Variants in PCDHB14 observed in about 807,000 individuals in gnomAD.
The protein encoded by PCDHB14 is protocadherin beta-14.
For synonymous variants in PCDHB14, 511 were observed against 441.5 expected, an observed-to-expected ratio of 1.16 and a Z score of -1.97; for missense variants, 1,129 against 1,000.5, an observed-to-expected ratio of 1.13 and a Z score of -1.73.
At position 141,224,319 on chromosome 5, in the gene PCDHB14, G is replaced by T; in HGVS notation, c.814G>T (p.Gly272Ter). The T allele has an allele frequency of 6.2e-7, 1 of 1,613,888 alleles. No individual in the cohort carries two copies. Among genetic ancestry groups the T allele is most frequent in the Non-Finnish European group, 8.5e-7 (1 of 1,179,942 alleles). The change falls in exon 1 of 1, where the codon GGA (glycine) becomes TGA (stop). Residue 272 changes from glycine to a stop codon, truncating the protein, a stop_gained. Transcript: ENST00000239449. LOFTEE classifies it low-confidence loss of function (END_TRUNC). ...ATISAKDLDA[G>*]NYGKISYTFF... Reference sequence around the variant, plus strand: ...CATCTCAGCTAAGGATCTGGATGCAGGAAACTATGGAAAAATATCTTACAC... The same window carrying T: ...CATCTCAGCTAAGGATCTGGATGCATGAAACTATGGAAAAATATCTTACAC...
Position 141,225,719 on chromosome 5 carries a change from C to G in PCDHB14, c.2214C>G (p.Asp738Glu), listed in dbSNP as rs775487652. 10 of 1,614,066 alleles carry G rather than the reference C, an allele frequency of 6.2e-6. No individual in the cohort carries two copies. The highest frequency in any genetic ancestry group is 6.8e-6 in the Non-Finnish European group (8 of 1,180,046). Reference sequence around the variant, plus strand: ...GTCCCTTTCCAGGGCATCTGGTGGACGTGAGCGGCACCGGGACCCTGTCCC... The same window carrying G: ...GTCCCTTTCCAGGGCATCTGGTGGAGGTGAGCGGCACCGGGACCCTGTCCC... ...PEGPFPGHLV[D>E]VSGTGTLSQS... Residue 738 changes from aspartate (D) to glutamate (E), a missense_variant, in exon 1 of 1, where the codon GAC (aspartate) becomes GAG (glutamate). Coordinates refer to ENST00000239449, the MANE Select transcript of PCDHB14 (RefSeq NM_018934.4).
Position 141,224,941 on chromosome 5 carries a change from A to T in PCDHB14, c.1436A>T (p.Asp479Val), listed in dbSNP as rs782154899. The T allele has an allele frequency of 1.2e-6, 2 of 1,612,546 alleles. No homozygotes were observed. Among genetic ancestry groups the T allele is most frequent in the Non-Finnish European group, 1.7e-6 (2 of 1,180,018 alleles). Residue 479 changes from aspartate to valine, a missense_variant, in exon 1 of 1, where the codon GAC becomes GTC. Asp to Val is a radical substitution (Grantham distance 152). Coordinates refer to ENST00000239449, the MANE Select transcript of PCDHB14 (RefSeq NM_018934.4). ...GGCAGCGTCAGCGCCACAGACAGAG[A>T]CTCAGGCACCAACGCCCAGGTCAAC... ...HIGSVSATDR[D>V]SGTNAQVNYS...
chr5:141,224,584 C>T lies in PCDHB14; in HGVS notation c.1079C>T (p.Ala360Val). ...SSITKRIPEN[A>V]SETLVALFSI... Reference sequence around the variant, plus strand: ...ATTACAAAGAGAATTCCAGAGAATGCCTCAGAGACCCTAGTAGCTCTTTTT... The same window carrying T: ...ATTACAAAGAGAATTCCAGAGAATGTCTCAGAGACCCTAGTAGCTCTTTTT... Residue 360 changes from alanine (A) to valine (V), a missense_variant, in exon 1 of 1, where the codon GCC becomes GTC. By Grantham distance (64) the Ala-to-Val change is moderately conservative. Coordinates refer to ENST00000239449, the MANE Select transcript of PCDHB14 (RefSeq NM_018934.4). The T allele has an allele frequency of 1.2e-6, 2 of 1,613,300 alleles. No individual in the cohort carries two copies. The highest frequency in any genetic ancestry group is 1.7e-6 in the Non-Finnish European group (2 of 1,179,760).
At position 141,225,866 on chromosome 5, in the gene PCDHB14, G is replaced by A. The variant is rs200327348; in HGVS notation, c.2361G>A (p.Glu787=). ...CTGGTAGGAATATGGGGGAAATCGA[G>A]AACTTTCGAAATAGCTTTGGACTTA... ...HDTGRNMGEI[E]NFRNSFGLNI... The change falls in exon 1 of 1, where the codon GAG becomes GAA. Residue 787 remains glutamate, a synonymous_variant. Transcript: ENST00000239449. 7.4e-6 allele frequency: 12 copies of A among 1,613,860 alleles called. No homozygotes were observed. The East Asian group carries it at 2.7e-4, about 36-fold the overall frequency.
Position 141,225,554 on chromosome 5 carries a change from C to G in PCDHB14, c.2049C>G (p.Ala683=). 1.2e-6 allele frequency: 2 copies of G among 1,610,678 alleles called. No individual in the cohort carries two copies. Among genetic ancestry groups the G allele is most frequent in the African/African-American group, 1.3e-5 (1 of 75,008 alleles). Residue 683 remains alanine, a synonymous_variant, in exon 1 of 1, where the codon GCC becomes GCG. Coordinates refer to ENST00000239449, the MANE Select transcript of PCDHB14 (RefSeq NM_018934.4). ...LPEAAPAQAQ[A]DSLTVYLVVA... ...AGGCGGCCCCGGCCCAGGCCCAGGC[C>G]GACTCCCTCACCGTCTACCTGGTGG... is the stretch of plus-strand genomic sequence containing the variant.
chr5:141,225,985 G>T lies in PCDHB14; in HGVS notation c.*83G>T. On this transcript the variant is annotated 3_prime_UTR_variant, in exon 1 of 1. Coordinates refer to ENST00000239449, the MANE Select transcript of PCDHB14 (RefSeq NM_018934.4). Reference sequence around the variant, plus strand: ...TTGCATAATCTTTTGTGGATTCTTGGTTGTACTGTAGTTGCATGCATGATT... The same window carrying T: ...TTGCATAATCTTTTGTGGATTCTTGTTTGTACTGTAGTTGCATGCATGATT... The T allele has an allele frequency of 1.5e-6, 2 of 1,291,954 alleles. No individual in the cohort carries two copies. The highest frequency in any genetic ancestry group is 2.2e-6 in the Non-Finnish European group (2 of 925,046). 80.0% of individuals were successfully genotyped at this position (1,291,954 alleles called of 1,614,324 possible).
At position 141,225,021 on chromosome 5, in the gene PCDHB14, A is replaced by G. The variant is rs1554289308; in HGVS notation, c.1516A>G (p.Ile506Val). 1.9e-6 allele frequency: 3 copies of G among 1,612,610 alleles called. No individual in the cohort carries two copies. The highest frequency in any genetic ancestry group is 2.2e-5 in the South Asian group (2 of 91,016). The change falls in exon 1 of 1, where the codon ATC (isoleucine) becomes GTC (valine). Residue 506 changes from isoleucine (I) to valine (V), a missense_variant. Transcript: ENST00000239449. Reference sequence around the variant, plus strand: ...CCTGCCCCTCGCCTCCTTGGTCTCCATCAACGCGGACAATGGCCACCTGTT... The same window carrying G: ...CCTGCCCCTCGCCTCCTTGGTCTCCGTCAACGCGGACAATGGCCACCTGTT... ...RHLPLASLVS[I>V]NADNGHLFAL...
chr5:141,226,056 G>T lies in PCDHB14; in HGVS notation c.*154G>T. On this transcript the variant is annotated 3_prime_UTR_variant, in exon 1 of 1. Transcript: ENST00000239449. ...AGTTTCTTTAAAAATCTTTATTAGT[G>T]GCTATAATGACGTGGAAATGTAATC... 1.4e-6 allele frequency: 1 copy of T among 712,402 alleles called. No homozygotes were observed. The highest frequency in any genetic ancestry group is 2.3e-6 in the Non-Finnish European group (1 of 440,434). The allele number at this position is 712,402 out of a possible 1,614,324, so 44.1% of individuals were successfully genotyped here. A position where few individuals can be genotyped will look rare whatever the true frequency, so the allele number is the denominator to read the frequency against.
In PCDHB14 at chr5:141,223,968, G is replaced by C; in HGVS notation, c.463G>C (p.Glu155Gln). The C allele has an allele frequency of 6.2e-7, 1 of 1,613,894 alleles. No individual in the cohort carries two copies. The highest frequency in any genetic ancestry group is 8.5e-7 in the Non-Finnish European group (1 of 1,179,908). The change falls in exon 1 of 1, where the codon GAG becomes CAG. Residue 155 changes from glutamate to glutamine, a missense_variant. Coordinates refer to ENST00000239449, the MANE Select transcript of PCDHB14 (RefSeq NM_018934.4). ...GTTVGATFLM[E>Q]SAQDLDVGSN... ...CACTGTTGGAGCTACCTTTCTAATG[G>C]AGAGTGCTCAAGATTTGGATGTCGG...
Position 141,225,282 on chromosome 5 carries a change from G to A in PCDHB14, c.1777G>A (p.Asp593Asn). The change falls in exon 1 of 1, where the codon GAC becomes AAC. Residue 593 changes from aspartate (D) to asparagine (N), a missense_variant. Asp to Asn is a conservative substitution (Grantham distance 23). Transcript: ENST00000239449. ...CCTGGTGACCAAGGTGGTGGCGGTG[G>A]ACGGCGACTCGGGCCAGAACGCCTG... is the stretch of plus-strand genomic sequence containing the variant. ...GYLVTKVVAV[D>N]GDSGQNAWLS... 1.3e-6 allele frequency: 2 copies of A among 1,597,506 alleles called. No homozygotes were observed. The highest frequency in any genetic ancestry group is 1.7e-5 in the Admixed American group (1 of 59,398).
In PCDHB14 at chr5:141,226,431, A is replaced by C. The variant is rs1442279853; in HGVS notation, c.*529A>C. The C allele has an allele frequency of 6.5e-6, 1 of 152,700 alleles. No homozygotes were observed. The highest frequency in any genetic ancestry group is 2.4e-5 in the African/African-American group (1 of 41,458). 9.5% of individuals were successfully genotyped at this position (152,700 alleles called of 1,614,324 possible). A position where few individuals can be genotyped will look rare whatever the true frequency, so the allele number is the denominator to read the frequency against. ...AAATATTTACTTTATGATGAAACTT[A>C]AGTGGTCACATTGGAAATTATTAAT... On this transcript the variant is annotated 3_prime_UTR_variant, in exon 1 of 1. Coordinates refer to ENST00000239449, the MANE Select transcript of PCDHB14 (RefSeq NM_018934.4).
At position 141,224,558 on chromosome 5, in the gene PCDHB14, G is replaced by T. The variant is rs1488138840; in HGVS notation, c.1053G>T (p.Ser351=). 6.2e-7 allele frequency: 1 copy of T among 1,612,666 alleles called. No homozygotes were observed. Among genetic ancestry groups the T allele is most frequent in the Non-Finnish European group, 8.5e-7 (1 of 1,179,640 alleles). The change falls in exon 1 of 1, where the codon TCG becomes TCT. Residue 351 remains serine, a synonymous_variant. Coordinates refer to ENST00000239449, the MANE Select transcript of PCDHB14 (RefSeq NM_018934.4). ...NDNPPEVTIS[S]ITKRIPENAS... ...ACCCACCAGAAGTGACCATATCGTC[G>T]ATTACAAAGAGAATTCCAGAGAATG... is the stretch of plus-strand genomic sequence containing the variant.
chr5:141,224,768 C>T lies in PCDHB14; in HGVS notation c.1263C>T (p.Ile421=), dbSNP rs782617086. 6.2e-7 allele frequency: 1 copy of T among 1,614,056 alleles called. No individual in the cohort carries two copies. Among genetic ancestry groups the T allele is most frequent in the African/African-American group, 1.3e-5 (1 of 74,918 alleles). ...GCCAAGCCGAGTACAACATCACGAT[C>T]ACCGTCACAGACTTGGGGACACCCA... ...RESQAEYNIT[I]TVTDLGTPRL... The change falls in exon 1 of 1, where the codon ATC becomes ATT. Residue 421 remains isoleucine, a synonymous_variant. Transcript: ENST00000239449.
chr5:141,224,472 G>A lies in PCDHB14; in HGVS notation c.967G>A (p.Asp323Asn). Reference protein sequence around the residue: ...QSYTINIQATDGGGLSGKCTL... With the variant: ...QSYTINIQATNGGGLSGKCTL... ...CTACACTATAAATATTCAGGCAACA[G>A]ATGGTGGGGGTCTTTCAGGAAAATG... Residue 323 changes from aspartate to asparagine, a missense_variant, in exon 1 of 1, where the codon GAT becomes AAT. Asp to Asn is a conservative substitution (Grantham distance 23, BLOSUM62 1). Transcript: ENST00000239449. 6.2e-7 allele frequency: 1 copy of A among 1,613,112 alleles called. No individual in the cohort carries two copies.
rs1754790420 is a variant in PCDHB14 at position 141,224,445 on chromosome 5, T to G, written c.940T>G (p.Ser314Ala). Reference sequence around the variant, plus strand: ...ACCCCTGGATTTTGAAGTAATACAGTCCTACACTATAAATATTCAGGCAAC... The same window carrying G: ...ACCCCTGGATTTTGAAGTAATACAGGCCTACACTATAAATATTCAGGCAAC... ...RSPLDFEVIQ[S>A]YTINIQATDG... The change falls in exon 1 of 1, where the codon TCC becomes GCC. Residue 314 changes from serine (S) to alanine (A), a missense_variant. Transcript: ENST00000239449. The G allele has an allele frequency of 6.2e-7, 1 of 1,610,912 alleles. No homozygotes were observed. The highest frequency in any genetic ancestry group is 1.3e-5 in the African/African-American group (1 of 74,690).
chr5:141,225,341 C>A lies in PCDHB14; in HGVS notation c.1836C>A (p.Pro612=). 1.9e-6 allele frequency: 3 copies of A among 1,602,978 alleles called. No individual in the cohort carries two copies. Among genetic ancestry groups the A allele is most frequent in the South Asian group, 1.1e-5 (1 of 90,880 alleles). ...LSYQLLKATE[P]GLFGVWAHNG... ...ACCAGCTGCTCAAGGCCACGGAGCCCGGGCTGTTCGGCGTGTGGGCGCACA... is the reference window on the plus strand; with the variant it reads ...ACCAGCTGCTCAAGGCCACGGAGCCAGGGCTGTTCGGCGTGTGGGCGCACA... The change falls in exon 1 of 1, where the codon CCC becomes CCA. Residue 612 remains proline (P), a synonymous_variant. Coordinates refer to ENST00000239449, the MANE Select transcript of PCDHB14 (RefSeq NM_018934.4).
rs568876620 is a variant in PCDHB14, at chr5:141,224,326, A to C, written c.821A>C (p.Tyr274Ser). 1 of 1,613,612 alleles carries C rather than the reference A, an allele frequency of 6.2e-7. No individual in the cohort carries two copies. Among genetic ancestry groups the C allele is most frequent in the African/African-American group, 1.3e-5 (1 of 74,890 alleles). The change falls in exon 1 of 1, where the codon TAT (tyrosine) becomes TCT (serine). Residue 274 changes from tyrosine (Y) to serine (S), a missense_variant. Transcript: ENST00000239449. ...ISAKDLDAGN[Y>S]GKISYTFFHA... ...GCTAAGGATCTGGATGCAGGAAACTATGGAAAAATATCTTACACATTTTTC... is the reference window on the plus strand; with the variant it reads ...GCTAAGGATCTGGATGCAGGAAACTCTGGAAAAATATCTTACACATTTTTC...
rs782059763 is a variant in PCDHB14, at chr5:141,224,905, C to A, written c.1400C>A (p.Ala467Asp). Residue 467 changes from alanine (A) to aspartate (D), a missense_variant, in exon 1 of 1, where the codon GCC (alanine) becomes GAC (aspartate). Physicochemically the swap from Ala to Asp is moderately radical, Grantham distance 126. Coordinates refer to ENST00000239449, the MANE Select transcript of PCDHB14 (RefSeq NM_018934.4). Reference sequence around the variant, plus strand: ...TTCGTCCGCGAGAACAACAGCCCCGCCCTGCACATCGGCAGCGTCAGCGCC... The same window carrying A: ...TTCGTCCGCGAGAACAACAGCCCCGACCTGCACATCGGCAGCGTCAGCGCC... ...TLFVRENNSP[A>D]LHIGSVSATD... The A allele has an allele frequency of 1.2e-6, 2 of 1,613,152 alleles. No homozygotes were observed. Among genetic ancestry groups the A allele is most frequent in the African/African-American group, 1.3e-5 (1 of 75,022 alleles).
In PCDHB14 at chr5:141,223,503, AC is replaced by A. The variant is rs1285489802; in HGVS notation, c.-1del. The A allele has an allele frequency of 1.9e-6, 3 of 1,584,872 alleles. No individual in the cohort carries two copies. The highest frequency in any genetic ancestry group is 2.6e-6 in the Non-Finnish European group (3 of 1,160,520). On this transcript the variant is annotated 5_prime_UTR_variant, in exon 1 of 1. Transcript: ENST00000239449. ...TTTCCACAAGAGATTGCCTAAAGGA[AC>A]CATGGAGATCAGAGGGGCACTCGAT...
Sources: gnomAD v4.1 joint callset for allele counts on GRCh38, gnomAD v4.1.1 for gene constraint, MANE v1.5 for transcripts, NCBI Gene and HGNC (gene_info 2026-07-23, HGNC 2026-07-21) for gene names.